Variants in FSTL5 observed in about 807,000 individuals in gnomAD.
FSTL5 encodes the protein follistatin like 5.
FSTL5 carries 62 observed loss-of-function variants against 89.1 expected under a neutral mutation model. The ratio of observed to expected loss-of-function variants is 0.70; its 90% CI spans 0.57 to 0.86. FSTL5 has a LOEUF of 0.86. Ranked by LOEUF, FSTL5 falls within the 40% of genes least tolerant of loss-of-function variation. The probability of loss-of-function intolerance (pLI) is 0.00; values close to 1 mark genes in which losing one functional copy is unlikely to be tolerated. For synonymous variants in FSTL5, 383 were observed against 346.2 expected (o/e 1.11, Z -1.18); for missense variants, 1,057 against 1,001.6 (o/e 1.06, Z -0.75).
chr4:161,791,993 C>T (rs12500521), intron 4 of FSTL5, among the ~76,000 whole-genome samples: 30,411 of 152,036 alleles, frequency 0.2, 3,086 homozygotes, highest in Middle Eastern at 0.3. Context: ...TTGGATGCCC[C>T]GCACTGCCAG....
chr4:161,884,520 C>T (rs1357368057), intron 4 of FSTL5, among the ~76,000 whole-genome samples: 1 of 152,094 alleles, frequency 6.6e-6, no homozygotes, highest in Non-Finnish European at 1.5e-5. Context: ...AAACTACTCA[C>T]ACAAAAAAAT....
At chr4:161,440,403 C>G (rs532451063) in intron 15 of FSTL5, among the ~76,000 whole-genome samples, 18 of 151,698 alleles carry the variant, frequency 1.2e-4, no homozygotes, top group Admixed American at 9.2e-4. Context: ...CTAATGACAG[C>G]TGATGAGCCG....
intron 12 of FSTL5, among the ~76,000 whole-genome samples, chr4:161,491,028 CG>C (rs1346688766): frequency 6.6e-6 from 1 of 151,878 alleles, no homozygotes; most frequent in Non-Finnish European, 1.5e-5. Context: ...ATAAAAGGCA[CG>C]TTATCTTTGT....
intron 1 of FSTL5, among the ~76,000 whole-genome samples, chr4:162,136,955 A>G (rs1047018905): frequency 7.2e-5 from 11 of 152,122 alleles, no homozygotes; most frequent in African/African-American, 2.7e-4. Flanking sequence ...ATTTTAAGGG[A>G]TAAATAGACC....
intron 4 of FSTL5, among the ~76,000 whole-genome samples, chr4:161,861,285 T>C (rs1191787462): frequency 6.6e-6 from 1 of 151,820 alleles, no homozygotes; most frequent in Non-Finnish European, 1.5e-5. Flanking sequence ...TAGCAGGCCA[T>C]GGTGGTGCGT....
At chr4:162,061,731 G>A (rs1738724015) in intron 2 of FSTL5, among the ~76,000 whole-genome samples, 1 of 152,158 alleles carries the variant, frequency 6.6e-6, no homozygotes, top group East Asian at 1.9e-4. Context: ...GCAAATGCAT[G>A]AGTTACATAT....
In FSTL5 at chr4:161,386,314, G is replaced by A; in HGVS notation, c.1977C>T (p.Gly659=). 1 of 1,613,926 alleles carries A rather than the reference G, an allele frequency of 6.2e-7. No homozygotes were observed. The highest frequency in any genetic ancestry group is 8.5e-7 in the Non-Finnish European group (1 of 1,179,938). ...PQSLAYTHLG[G]YYFIGCKPDS... ...CAGGTTTGCAGCCAATGAAGTAGTA[G>A]CCTCCCAAGTGTGTATATGCCAATG... Residue 659 remains glycine, a synonymous_variant, in exon 16 of 16, where the codon GGC becomes GGT. Transcript: ENST00000306100.
At chr4:161,465,115 C>G (rs1389872813) in intron 13 of FSTL5, among the ~76,000 whole-genome samples, 2 of 152,082 alleles carry the variant, frequency 1.3e-5, no homozygotes, top group African/African-American at 4.8e-5. Context: ...GTTACCTGAC[C>G]ATCCAATATA....
rs1560988490 is a variant in FSTL5 at position 161,633,873 on chromosome 4, GAGC to G, written c.894+22452_894+22454del. ...AAAGCTAGTTCAAAGTCTTTTTGAG[GAGC>G]AGAGATGTATGTAATTTGAAAAAGA... On this transcript the variant is annotated intron_variant, in intron 7 of 15. Coordinates refer to ENST00000306100, the MANE Select transcript of FSTL5 (RefSeq NM_020116.5). Among the ~76,000 whole-genome samples the G allele has an allele frequency of 1.1e-4, 16 of 152,284 alleles. No homozygotes were observed. In the East Asian group the frequency reaches 2.1e-3, roughly 20 times the overall value.
chr4:161,938,611 T>C (rs1266619097), intron 3 of FSTL5, among the ~76,000 whole-genome samples: 8 of 152,000 alleles, frequency 5.3e-5, no homozygotes, highest in Non-Finnish European at 1.0e-4. Flanking sequence ...AATTGGGTGG[T>C]TGGAATAGTA....
intron 8 of FSTL5, among the ~76,000 whole-genome samples, chr4:161,566,088 T>C (rs1382177749): frequency 1.2e-4 from 5 of 41,212 alleles, no homozygotes; most frequent in Non-Finnish European, 2.6e-4. Context: ...TGTTTTTTTC[T>C]TTTTTTTTGG....
intron 3 of FSTL5, among the ~76,000 whole-genome samples, chr4:162,013,333 T>C (rs1340493363): frequency 6.6e-6 from 1 of 152,296 alleles, no homozygotes; most frequent in East Asian, 1.9e-4. Flanking sequence ...ATGGAGGAAC[T>C]TTCTTCCTCT....
intron 7 of FSTL5, among the ~76,000 whole-genome samples, chr4:161,652,833 T>C (rs1162633863): frequency 6.6e-6 from 1 of 152,098 alleles, no homozygotes; most frequent in Non-Finnish European, 1.5e-5. Flanking sequence ...AGAAAGGATA[T>C]TGCAAATTGT....
At chr4:162,146,599 G>T (rs1010425824) in intron 1 of FSTL5, among the ~76,000 whole-genome samples, 1 of 151,314 alleles carries the variant, frequency 6.6e-6, no homozygotes, top group Non-Finnish European at 1.5e-5. Context: ...ATAAACCAAT[G>T]CCAATACCTT....
intron 1 of FSTL5, among the ~76,000 whole-genome samples, chr4:162,144,744 T>C (rs1485990685): frequency 6.6e-6 from 1 of 152,096 alleles, no homozygotes; most frequent in African/African-American, 2.4e-5. Flanking sequence ...AGGTGAAATA[T>C]GGTGTATACA....
intron 13 of FSTL5, among the ~76,000 whole-genome samples, chr4:161,480,315 T>C (rs997717819): frequency 6.6e-6 from 1 of 152,194 alleles, no homozygotes; most frequent in Non-Finnish European, 1.5e-5. Flanking sequence ...GTTAACTTAA[T>C]TTCCTCTGAG....
At chr4:161,636,644 G>A (rs1735725644) in intron 7 of FSTL5, among the ~76,000 whole-genome samples, 1 of 142,728 alleles carries the variant, frequency 7.0e-6, no homozygotes, top group Non-Finnish European at 1.5e-5. Context: ...CCCAGAGTGT[G>A]ATATTCCCCT....
In FSTL5 at chr4:161,949,419, T is replaced by C. The variant is rs1239850224; in HGVS notation, c.161-28767A>G. On this transcript the variant is annotated intron_variant, in intron 3 of 15. Coordinates refer to ENST00000306100, the MANE Select transcript of FSTL5 (RefSeq NM_020116.5). ...TCTTCTCTTTATCTTTGATTTTCTT[T>C]AGTTTTACTTTAACATACCTAAGTG... Among the ~76,000 whole-genome samples, 9 of 152,264 alleles carry C rather than the reference T, an allele frequency of 5.9e-5. No homozygotes were observed. The East Asian group carries it at 1.5e-3, about 26-fold the overall frequency.
intron 3 of FSTL5, among the ~76,000 whole-genome samples, chr4:161,946,695 C>T (rs956093281): frequency 1.4e-4 from 21 of 152,098 alleles, no homozygotes; most frequent in Admixed American, 4.6e-4. Flanking sequence ...ATGAATAAAG[C>T]TGCTAGGAAC....
Sources: allele counts gnomAD v4.1 joint callset (sites outside exome capture counted in the v4.1 genomes callset), GRCh38; gene constraint gnomAD v4.1.1; transcripts MANE v1.5; gene names NCBI Gene and HGNC (gene_info 2026-07-23, HGNC 2026-07-21).